RHBDD1: variants seen among roughly 807,000 people sequenced by gnomAD.
The protein encoded by RHBDD1 is rhomboid-related protein 4.
Under a neutral mutation model 36.3 loss-of-function variants are expected in RHBDD1, and 38 were observed. That is an observed-to-expected ratio of 1.05 (90% CI 0.81 to 1.37). The LOEUF (loss-of-function observed/expected upper bound fraction) is 1.37. RHBDD1 is among the 40% of genes most tolerant of loss of function. RHBDD1 has a pLI of 0.00. For synonymous variants in RHBDD1, 151 were observed against 136.5 expected, an observed-to-expected ratio of 1.11 and a Z score of -0.74; for missense variants, 393 against 377.6, an observed-to-expected ratio of 1.04 and a Z score of -0.34.
At chr2:226,905,919 C>T (rs932252779) in intron 5 of RHBDD1, among the ~76,000 whole-genome samples, 6 of 152,028 alleles carry the variant, frequency 3.9e-5, no homozygotes, top group African/African-American at 4.8e-5. Flanking sequence ...TAGAGGGTGG[C>T]GGGCAGCTGG....
At chr2:226,919,093 T>C (rs1483158616) in intron 8 of RHBDD1, among the ~76,000 whole-genome samples, 1 of 152,172 alleles carries the variant, frequency 6.6e-6, no homozygotes, top group Non-Finnish European at 1.5e-5. Flanking sequence ...TTCATATGCC[T>C]TTTTGCCATT....
chr2:226,930,198 C>G (rs920252359), intron 8 of RHBDD1, among the ~76,000 whole-genome samples: 2 of 151,840 alleles, frequency 1.3e-5, no homozygotes, highest in African/African-American at 4.8e-5. Flanking sequence ...GCCTGAATGC[C>G]AAAGCAGTCC....
At chr2:226,940,172 A>AC (rs917218226) in intron 8 of RHBDD1, among the ~76,000 whole-genome samples, 2 of 152,130 alleles carry the variant, frequency 1.3e-5, no homozygotes, top group African/African-American at 4.8e-5. Flanking sequence ...CTAGAGGAAA[A>AC]CCTAGGCAAT....
intron 8 of RHBDD1, among the ~76,000 whole-genome samples, chr2:226,915,854 C>T (rs565067634): frequency 2.0e-5 from 3 of 152,276 alleles, no homozygotes; most frequent in African/African-American, 7.2e-5. Flanking sequence ...CCCTGAAACT[C>T]GTGGATTAAA....
chr2:226,853,940 G>A (rs777538200), intron 3 of RHBDD1, among the ~76,000 whole-genome samples: 13 of 152,066 alleles, frequency 8.5e-5, no homozygotes, highest in South Asian at 2.1e-4. Context: ...TTTCTTGGCC[G>A]GTGGTGGGTA....
chr2:226,991,907 G>T (rs1302785906), intron 8 of RHBDD1, among the ~76,000 whole-genome samples: 1 of 152,146 alleles, frequency 6.6e-6, no homozygotes, highest in Non-Finnish European at 1.5e-5. Flanking sequence ...GTGTCTCCAC[G>T]AGTCCCAGGC....
chr2:226,890,656 G>A (rs1946602694), intron 5 of RHBDD1, among the ~76,000 whole-genome samples: 2 of 152,132 alleles, frequency 1.3e-5, no homozygotes, highest in African/African-American at 4.8e-5. Flanking sequence ...CCAGTTCTTT[G>A]TGTTACATAC....
rs1231818827 is a variant in RHBDD1 at position 226,945,274 on chromosome 2, T to C, written c.856+30923T>C. 2.6e-5 allele frequency among the ~76,000 whole-genome samples: 4 copies of C among 151,976 alleles called. No homozygotes were observed. The East Asian group carries it at 7.7e-4, about 29-fold the overall frequency. On this transcript the variant is annotated intron_variant, in intron 8 of 8. Transcript: ENST00000392062. ...TGCTGCACCCATCAACCTGTCATTC[T>C]CATTAGGTATTTCTCCTAATGGTAT...
the RHBDD1 span, among the ~76,000 whole-genome samples, chr2:226,810,049 G>C: frequency 6.6e-6 from 1 of 152,110 alleles, no homozygotes; most frequent in Non-Finnish European, 1.5e-5. Context: ...ACAAAATATA[G>C]TTGATGCTTG....
chr2:226,941,399 T>A (rs865797887), intron 8 of RHBDD1, among the ~76,000 whole-genome samples: 3 of 152,210 alleles, frequency 2.0e-5, no homozygotes, highest in African/African-American at 7.2e-5. Flanking sequence ...CAGGGGCAAG[T>A]CCACCTGGCC....
intron 5 of RHBDD1, among the ~76,000 whole-genome samples, chr2:226,886,755 T>A (rs900120299): frequency 6.6e-6 from 1 of 152,160 alleles, no homozygotes; most frequent in Non-Finnish European, 1.5e-5. Flanking sequence ...AAAAAAAGAT[T>A]TTAGACATAA....
intron 8 of RHBDD1, among the ~76,000 whole-genome samples, chr2:226,985,356 G>A (rs1247291955): frequency 6.6e-6 from 1 of 152,178 alleles, no homozygotes; most frequent in Non-Finnish European, 1.5e-5. Flanking sequence ...TGGGTTTCGG[G>A]CCATCTAGAC....
At chr2:226,925,727 CT>C (rs990252244) in intron 8 of RHBDD1, among the ~76,000 whole-genome samples, 28 of 152,202 alleles carry the variant, frequency 1.8e-4, no homozygotes, top group Admixed American at 9.2e-4. Flanking sequence ...GACCTGTTTC[CT>C]TGAAACTAGT....
intron 3 of RHBDD1, among the ~76,000 whole-genome samples, chr2:226,848,523 A>G (rs1181599475): frequency 6.6e-6 from 1 of 152,226 alleles, no homozygotes; most frequent in African/African-American, 2.4e-5. Context: ...AAAGCTGGAC[A>G]AACTGAAAAT....
At chr2:226,810,224 TTAAAA>T in the RHBDD1 span, among the ~76,000 whole-genome samples, 2 of 152,190 alleles carry the variant, frequency 1.3e-5, no homozygotes, top group Admixed American at 6.5e-5. Context: ...TACTGTATTT[TTAAAA>T]TAAAATAATC....
At chr2:226,809,045 A>G in the RHBDD1 span, among the ~76,000 whole-genome samples, 1 of 152,210 alleles carries the variant, frequency 6.6e-6, no homozygotes, top group Non-Finnish European at 1.5e-5. Flanking sequence ...TATAAACCAG[A>G]GTTGAAAAGA....
chr2:226,928,179 A>AT (rs1171467338), intron 8 of RHBDD1, among the ~76,000 whole-genome samples: 2 of 152,078 alleles, frequency 1.3e-5, no homozygotes, highest in African/African-American at 4.8e-5. Flanking sequence ...TTTCAGCACC[A>AT]TTTGTAAAAA....
rs747959778 is a variant in RHBDD1 at position 226,864,689 on chromosome 2, T to C, written c.-5T>C. The C allele has an allele frequency of 7.7e-5, 124 of 1,610,592 alleles. No homozygotes were observed. The highest frequency in any genetic ancestry group is 9.8e-5 in the Non-Finnish European group (115 of 1,177,686). On this transcript the variant is annotated 5_prime_UTR_variant, in exon 4 of 9. Transcript: ENST00000392062. Reference sequence around the variant, plus strand: ...ATTGCTGAGCTGTTTCCCTGATATCTGGCCATGCAACGGAGATCAAGAGGG... The same window carrying C: ...ATTGCTGAGCTGTTTCCCTGATATCCGGCCATGCAACGGAGATCAAGAGGG...
intron 8 of RHBDD1, among the ~76,000 whole-genome samples, chr2:226,927,526 T>G (rs1037389181): frequency 2.0e-5 from 3 of 152,012 alleles, no homozygotes; most frequent in East Asian, 1.9e-4. Context: ...ATATGGTAAA[T>G]TTATGTTTAA....
Sources: allele counts gnomAD v4.1 joint callset (sites outside exome capture counted in the v4.1 genomes callset), GRCh38; gene constraint gnomAD v4.1.1; transcripts MANE v1.5; gene names NCBI Gene and HGNC (gene_info 2026-07-23, HGNC 2026-07-21).